Variants in CDH18 observed in about 807,000 individuals in gnomAD.
The protein encoded by CDH18 is cadherin 18.
A neutral mutation model predicts 67.9 loss-of-function variants in CDH18; 31 were observed. That is an observed-to-expected ratio of 0.46 (90% CI 0.34 to 0.62). CDH18 has a LOEUF of 0.62. CDH18 is among the 20% of genes least tolerant of loss of function. The probability of loss-of-function intolerance (pLI) is 0.01; values close to 1 mark genes in which losing one functional copy is unlikely to be tolerated. For synonymous variants in CDH18, 362 were observed against 347.2 expected (o/e 1.04, Z -0.48); for missense variants, 890 against 975.5 (o/e 0.91, Z 1.17).
Position 20,300,299 on chromosome 5 carries a change from T to TGC in CDH18, c.-579-44795_-579-44794insGC, listed in dbSNP as rs202029677. On this transcript the variant is annotated intron_variant, in intron 1 of 14. Transcript: ENST00000507958. ...ATTTCCACATAGATTAAGTTGTGTG[T>TGC]GTGCGTGTGTGTGTGTGTGTGTGTG... Among the ~76,000 whole-genome samples, 671 of 69,816 alleles carry TGC rather than the reference T, an allele frequency of 9.6e-3. 1 individual carries two copies. Among genetic ancestry groups the TGC allele is most frequent in the African/African-American group, 0.017 (513 of 30,656 alleles). The allele number at this position is 69,816 out of a possible 152,430, so 45.8% of individuals were successfully genotyped here.
At chr5:20,485,256 A>G (rs1401806313) in intron 1 of CDH18, among the ~76,000 whole-genome samples, 1 of 152,098 alleles carries the variant, frequency 6.6e-6, no homozygotes, top group Non-Finnish European at 1.5e-5. Context: ...CACTACAACT[A>G]TACCAGTGTT....
At chr5:20,096,521 T>C (rs1240851929) in intron 2 of CDH18, among the ~76,000 whole-genome samples, 1 of 152,122 alleles carries the variant, frequency 6.6e-6, no homozygotes, top group East Asian at 1.9e-4. Context: ...TGCACAGTTA[T>C]ACAGATTTAT....
chr5:19,656,671 A>G (rs1462797661), intron 5 of CDH18, among the ~76,000 whole-genome samples: 2 of 152,118 alleles, frequency 1.3e-5, no homozygotes, highest in Non-Finnish European at 2.9e-5. Context: ...AACTGATGAC[A>G]TATTGTAAAA....
chr5:19,911,049 C>G (rs2150137967), intron 2 of CDH18, among the ~76,000 whole-genome samples: 1 of 152,000 alleles, frequency 6.6e-6, no homozygotes, highest in Non-Finnish European at 1.5e-5. Flanking sequence ...TCTTTCAATG[C>G]CTGTAAGCAA....
chr5:19,854,358 A>G (rs557124303), intron 2 of CDH18, among the ~76,000 whole-genome samples: 1 of 152,314 alleles, frequency 6.6e-6, no homozygotes, highest in South Asian at 2.1e-4. Context: ...GTCTATTTCT[A>G]TCAAAATTTC....
At chr5:20,189,322 T>C (rs771442490) in intron 2 of CDH18, among the ~76,000 whole-genome samples, 28 of 152,104 alleles carry the variant, frequency 1.8e-4, no homozygotes, top group Non-Finnish European at 3.5e-4. Flanking sequence ...ACAATTTAGA[T>C]GTGGATGGAC....
intron 2 of CDH18, among the ~76,000 whole-genome samples, chr5:19,851,756 T>C (rs912334966): frequency 6.6e-6 from 1 of 151,826 alleles, no homozygotes. Flanking sequence ...TGTGTATGTG[T>C]GTGTGTGTGT....
intron 2 of CDH18, among the ~76,000 whole-genome samples, chr5:20,045,013 G>T (rs1476559981): frequency 3.9e-5 from 6 of 151,932 alleles, no homozygotes; most frequent in Non-Finnish European, 7.4e-5. Flanking sequence ...ATGTTTAGTG[G>T]CTACCCAAAA....
At chr5:20,039,036 C>T (rs1740158756) in intron 2 of CDH18, among the ~76,000 whole-genome samples, 1 of 152,082 alleles carries the variant, frequency 6.6e-6, no homozygotes, top group Non-Finnish European at 1.5e-5. Context: ...CACAAGCATT[C>T]CTTTACACCA....
intron 6 of CDH18, among the ~76,000 whole-genome samples, chr5:19,591,653 G>A (rs1745157952): frequency 6.6e-6 from 1 of 151,940 alleles, no homozygotes; most frequent in Admixed American, 6.6e-5. Context: ...CAAAAAGTAT[G>A]GAAATATGGA....
intron 2 of CDH18, among the ~76,000 whole-genome samples, chr5:20,032,457 G>C (rs1739489201): frequency 5.3e-5 from 8 of 151,978 alleles, no homozygotes; most frequent in Non-Finnish European, 8.8e-5. Context: ...AGTAGAAATA[G>C]TAATAATATA....
intron 1 of CDH18, among the ~76,000 whole-genome samples, chr5:20,462,922 G>A (rs925209588): frequency 3.9e-5 from 6 of 152,122 alleles, no homozygotes; most frequent in Non-Finnish European, 7.4e-5. Flanking sequence ...ATTAAAGATT[G>A]TTCTACTTTG....
At chr5:19,626,637 T>G (rs1299879293) in intron 5 of CDH18, among the ~76,000 whole-genome samples, 1 of 152,096 alleles carries the variant, frequency 6.6e-6, no homozygotes, top group Admixed American at 6.6e-5. Flanking sequence ...CAGGCACTAT[T>G]CTAGGTGGAG....
intron 3 of CDH18, among the ~76,000 whole-genome samples, chr5:19,764,870 G>C (rs1414226186): frequency 6.6e-6 from 1 of 152,076 alleles, no homozygotes; most frequent in Non-Finnish European, 1.5e-5. Flanking sequence ...TTCTCATTCT[G>C]CATTGCATAA....
chr5:20,508,170 C>A (rs1348420971), intron 1 of CDH18, among the ~76,000 whole-genome samples: 1 of 151,458 alleles, frequency 6.6e-6, no homozygotes, highest in Non-Finnish European at 1.5e-5. Context: ...TAACATATAT[C>A]TTCTTCTCCA....
chr5:19,822,820 G>C (rs185102716), intron 3 of CDH18, among the ~76,000 whole-genome samples: 1 of 151,934 alleles, frequency 6.6e-6, no homozygotes, highest in Non-Finnish European at 1.5e-5. Context: ...TTGAGAGGAG[G>C]CAACTGGTCT....
At chr5:19,851,381 T>TA (rs1190108561) in intron 2 of CDH18, among the ~76,000 whole-genome samples, 3 of 73,044 alleles carry the variant, frequency 4.1e-5, no homozygotes, top group African/African-American at 1.3e-4. Flanking sequence ...TGTAATAAAA[T>TA]AAAAAATAAA....
At chr5:19,962,146 T>G (rs1406972573) in intron 2 of CDH18, among the ~76,000 whole-genome samples, 1 of 151,898 alleles carries the variant, frequency 6.6e-6, no homozygotes, top group Non-Finnish European at 1.5e-5. Context: ...TCTTTAACCT[T>G]GAGTGGGAAG....
chr5:19,593,490 C>T (rs1745519973), intron 6 of CDH18, among the ~76,000 whole-genome samples: 2 of 152,082 alleles, frequency 1.3e-5, no homozygotes, highest in South Asian at 2.1e-4. Flanking sequence ...CTATTCAGGT[C>T]CTAGGCCCAT....
Sources: allele counts gnomAD v4.1 joint callset (sites outside exome capture counted in the v4.1 genomes callset), GRCh38; gene constraint gnomAD v4.1.1; transcripts MANE v1.5; gene names NCBI Gene and HGNC (gene_info 2026-07-23, HGNC 2026-07-21).